Variants in EEPD1 observed in about 807,000 individuals in gnomAD.
The protein encoded by EEPD1 is endonuclease/exonuclease/phosphatase family domain containing 1, also known as endonuclease/exonuclease/phosphatase family domain-containing protein 1.
In EEPD1, 17 loss-of-function variants were observed where a neutral mutation model predicts 46.3. That is an observed-to-expected ratio of 0.37 (90% CI 0.25 to 0.55). EEPD1 has a LOEUF of 0.55. Among genes scored for constraint, EEPD1 ranks in the 20% least tolerant of loss-of-function variants. The pLI, the probability that EEPD1 is intolerant of heterozygous loss-of-function variation, is 0.83. For missense variants in EEPD1, 673 were observed against 745.6 expected, an observed-to-expected ratio of 0.90 and a Z score of 1.13; for synonymous variants, 313 against 315.6, an observed-to-expected ratio of 0.99 and a Z score of 0.09.
At chr7:36,219,865 A>G (rs2115743342) in intron 2 of EEPD1, among the ~76,000 whole-genome samples, 1 of 151,074 alleles carries the variant, frequency 6.6e-6, no homozygotes, top group South Asian at 2.1e-4. Flanking sequence ...TTGGATACAC[A>G]TAAAGAGATA....
intron 2 of EEPD1, among the ~76,000 whole-genome samples, chr7:36,204,096 G>A (rs1385041328): frequency 1.4e-5 from 2 of 147,756 alleles, no homozygotes; most frequent in Non-Finnish European, 3.0e-5. Context: ...GTGCAGTGAC[G>A]CGATCACAGT....
At chr7:36,242,793 G>A (rs1205465299) in intron 3 of EEPD1, among the ~76,000 whole-genome samples, 3 of 149,376 alleles carry the variant, frequency 2.0e-5, no homozygotes, top group Admixed American at 6.7e-5. Flanking sequence ...AAAAAGCCAG[G>A]TGTGGTGGCA....
chr7:36,289,114 T>TA lies in EEPD1; in HGVS notation c.1315+1338dup, dbSNP rs757523174. On this transcript the variant is annotated intron_variant, in intron 6 of 7. Coordinates refer to ENST00000242108, the MANE Select transcript of EEPD1 (RefSeq NM_030636.3). ...ATTTCAAAAGATGTATGTATGTATATATGTATATATGTATTTGAATTTGCA... is the reference window on the plus strand; with the variant it reads ...ATTTCAAAAGATGTATGTATGTATATAATGTATATATGTATTTGAATTTGCA... 9.8e-5 allele frequency among the ~76,000 whole-genome samples: 15 copies of TA among 152,336 alleles called. No individual in the cohort carries two copies. In the Middle Eastern group the frequency reaches 0.01, roughly 104 times the overall value.
intron 3 of EEPD1, among the ~76,000 whole-genome samples, chr7:36,242,768 CAAAA>C (rs34909516): frequency 1.2e-4 from 10 of 85,362 alleles, no homozygotes; most frequent in African/African-American, 4.0e-4. Context: ...AATAAAAATA[CAAAA>C]AAAAAAAAAA....
intron 3 of EEPD1, among the ~76,000 whole-genome samples, chr7:36,277,404 G>A (rs1389167880): frequency 6.6e-6 from 1 of 152,222 alleles, no homozygotes; most frequent in Non-Finnish European, 1.5e-5. Flanking sequence ...CCTTGGTACA[G>A]GTCAACAGGA....
intron 3 of EEPD1, among the ~76,000 whole-genome samples, chr7:36,250,858 G>C (rs1786727679): frequency 6.6e-6 from 1 of 152,102 alleles, no homozygotes; most frequent in Non-Finnish European, 1.5e-5. Context: ...CATACTTCTT[G>C]ACACTAGTGG....
chr7:36,214,417 A>G (rs1223496613), intron 2 of EEPD1, among the ~76,000 whole-genome samples: 1 of 152,216 alleles, frequency 6.6e-6, no homozygotes, highest in Non-Finnish European at 1.5e-5. Flanking sequence ...GCCACTGGCT[A>G]TCCCCCAGAG....
At position 36,225,050 on chromosome 7, in the gene EEPD1, CA is replaced by C. The variant is rs758166132; in HGVS notation, c.879-13925del. ...AAGGAATGCAGGCAGCCACCAGAGA[CA>C]AAAAAAAAATAGGCTCTCCTCTCGA... On this transcript the variant is annotated intron_variant, in intron 2 of 7. Transcript: ENST00000242108. This position sits in a 1 kb window ranked among gnomAD's most constrained non-coding sequence, Gnocchi z 4.2. 6.2e-5 allele frequency among the ~76,000 whole-genome samples: 9 copies of C among 145,638 alleles called. No individual in the cohort carries two copies. Among genetic ancestry groups the C allele is most frequent in the African/African-American group, 7.5e-5 (3 of 39,762 alleles).
chr7:36,289,220 G>A (rs1017671967), intron 6 of EEPD1, among the ~76,000 whole-genome samples: 1 of 152,142 alleles, frequency 6.6e-6, no homozygotes, highest in African/African-American at 2.4e-5. Flanking sequence ...ACATATTCAA[G>A]TCAGTGCTAC....
chr7:36,189,526 T>C (rs181031880), intron 2 of EEPD1, among the ~76,000 whole-genome samples: 40 of 152,262 alleles, frequency 2.6e-4, no homozygotes, highest in Admixed American at 1.4e-3. Context: ...CTTTTCTAGG[T>C]AGAATTTTGT....
rs774719210 is a variant in EEPD1 at position 36,154,595 on chromosome 7, C to G, written c.271C>G (p.Leu91Val). 9 of 1,613,990 alleles carry G rather than the reference C, an allele frequency of 5.6e-6. No individual in the cohort carries two copies. In the South Asian group the frequency reaches 8.8e-5, roughly 16 times the overall value. The change falls in exon 2 of 8, where the codon CTG becomes GTG. Residue 91 changes from leucine (L) to valine (V), a missense_variant. Coordinates refer to ENST00000242108, the MANE Select transcript of EEPD1 (RefSeq NM_030636.3). The surrounding 1 kb of genome is among the most constrained non-coding windows in gnomAD (Gnocchi z 4.2). ...GGTCAGTGGTGTAGGCGCCACCAAGCTGGAGCAGGTCAAGTTTGAGATCTG... is the reference window on the plus strand; with the variant it reads ...GGTCAGTGGTGTAGGCGCCACCAAGGTGGAGCAGGTCAAGTTTGAGATCTG... The part of the protein sequence containing the change: ...ALVSGVGATK[L>V]EQVKFEICVS...
At chr7:36,278,049 G>A (rs1787207458) in intron 3 of EEPD1, among the ~76,000 whole-genome samples, 1 of 152,120 alleles carries the variant, frequency 6.6e-6, no homozygotes, top group Non-Finnish European at 1.5e-5. Context: ...ATCTAGAGGG[G>A]CTGTTAAAAT....
intron 2 of EEPD1, among the ~76,000 whole-genome samples, chr7:36,202,153 C>T (rs888046): frequency 0.44 from 66,362 of 152,078 alleles, 15,149 homozygotes; most frequent in East Asian, 0.6. Context: ...GCCTTCTCAT[C>T]GTGTGCCTCC....
Position 36,154,801 on chromosome 7 carries a change from C to T in EEPD1, c.477C>T (p.Leu159=), listed in dbSNP as rs759751703. 1.9e-6 allele frequency: 3 copies of T among 1,614,090 alleles called. No individual in the cohort carries two copies. The highest frequency in any genetic ancestry group is 2.7e-5 in the African/African-American group (2 of 74,946). The change falls in exon 2 of 8, where the codon CTC becomes CTT. Residue 159 remains leucine, a synonymous_variant. Coordinates refer to ENST00000242108, the MANE Select transcript of EEPD1 (RefSeq NM_030636.3). The surrounding 1 kb of genome is among the most constrained non-coding windows in gnomAD (Gnocchi z 4.2). ...GAGGCCTCTCGGAGAAAATGGCCCTCAGCATCGTGGACTTCCGCCGTGAGC... is the reference window on the plus strand; with the variant it reads ...GAGGCCTCTCGGAGAAAATGGCCCTTAGCATCGTGGACTTCCGCCGTGAGC... ...SVRGLSEKMA[L]SIVDFRREHG... is the part of the protein sequence containing the mutation.
intron 3 of EEPD1, among the ~76,000 whole-genome samples, chr7:36,246,812 C>T (rs1245778695): frequency 6.6e-6 from 1 of 152,100 alleles, no homozygotes; most frequent in Non-Finnish European, 1.5e-5. Context: ...TGCATTTCAT[C>T]AGCAAGCTTG....
intron 2 of EEPD1, among the ~76,000 whole-genome samples, chr7:36,177,460 TC>T (rs1785202569): frequency 6.6e-6 from 1 of 152,136 alleles, no homozygotes; most frequent in Admixed American, 6.5e-5. Flanking sequence ...CTTGTTCTCA[TC>T]TTTATGTCCA....
intron 2 of EEPD1, among the ~76,000 whole-genome samples, chr7:36,166,609 G>A (rs1474478642): frequency 1.3e-5 from 2 of 151,988 alleles, no homozygotes; most frequent in Admixed American, 6.6e-5. Context: ...GTCAACCTAG[G>A]CAAGATAAAC....
chr7:36,179,697 T>TA lies in EEPD1; in HGVS notation c.878+24520dup, dbSNP rs56263813. Among the ~76,000 whole-genome samples the TA allele has an allele frequency of 6.6e-4, 56 of 85,420 alleles. 1 individual carries two copies. The highest frequency in any genetic ancestry group is 1.5e-3 in the African/African-American group (36 of 23,382). 56.0% of individuals were successfully genotyped at this position (85,420 alleles called of 152,430 possible). A position where few individuals can be genotyped will look rare whatever the true frequency, so the allele number is the denominator to read the frequency against. Reference sequence around the variant, plus strand: ...CAACATGGTAAAACCCTGTCTCTACTAAAAAAAAAAAAAAAAAAAAAAAAA... The same window carrying TA: ...CAACATGGTAAAACCCTGTCTCTACTAAAAAAAAAAAAAAAAAAAAAAAAAA... On this transcript the variant is annotated intron_variant, in intron 2 of 7. Transcript: ENST00000242108.
At chr7:36,219,794 A>T (rs1424889786) in intron 2 of EEPD1, among the ~76,000 whole-genome samples, 27 of 88,250 alleles carry the variant, frequency 3.1e-4, no homozygotes, top group African/African-American at 5.1e-4. Context: ...AGAGAGAGAG[A>T]GAGAGAGAGA....
Sources: gnomAD v4.1 joint callset for allele counts (sites outside exome capture counted in the v4.1 genomes callset) on GRCh38, gnomAD v4.1.1 for gene constraint, Gnocchi (gnomAD v3.1) non-coding constraint, MANE v1.5 for transcripts, NCBI Gene and HGNC (gene_info 2026-07-23, HGNC 2026-07-21) for gene names.